Variants in TDRD5 observed in about 807,000 individuals in gnomAD.
The protein encoded by TDRD5 is tudor domain-containing protein 5.
A neutral mutation model predicts 120.6 loss-of-function variants in TDRD5; 41 were observed. That is an observed-to-expected ratio of 0.34 (90% CI 0.26 to 0.44). The LOEUF (loss-of-function observed/expected upper bound fraction) is 0.44. Among genes scored for constraint, TDRD5 ranks in the 20% least tolerant of loss-of-function variants. TDRD5 has a pLI of 1.00. For missense variants in TDRD5, 1,006 were observed against 1,221.2 expected (o/e 0.82, Z 2.63); for synonymous variants, 430 against 433.7 (o/e 0.99, Z 0.11).
intron 1 of TDRD5, 39 bp from the exon 2 acceptor site, chr1:179,592,563 G>C (rs1386866535): frequency 1.4e-5 from 21 of 1,523,754 alleles, no homozygotes; most frequent in African/African-American, 2.8e-5. Context: ...TTTTTTCGTG[G>C]GTTTGCCCCC....
intron 4 of TDRD5, among the ~76,000 whole-genome samples, chr1:179,608,016 A>G (rs1676071503): frequency 6.6e-6 from 1 of 151,922 alleles, no homozygotes; most frequent in African/African-American, 2.4e-5. Context: ...GAAAAAGTCT[A>G]TTTGTCATTT....
chr1:179,644,040 C>CA (rs1678204127), intron 11 of TDRD5, among the ~76,000 whole-genome samples: 1 of 152,092 alleles, frequency 6.6e-6, no homozygotes, highest in East Asian at 1.9e-4. Flanking sequence ...AAAAAGAAGT[C>CA]AAGCTGGAAT....
intron 11 of TDRD5, 23 bp from the exon 12 acceptor site, chr1:179,650,844 C>G (rs1678671735): frequency 2.5e-6 from 4 of 1,611,950 alleles, no homozygotes; most frequent in Non-Finnish European, 3.4e-6. Context: ...TCACCTGAAT[C>G]CAATATCTTG....
chr1:179,599,527 T>C lies in TDRD5; in HGVS notation c.831+3709T>C, dbSNP rs74663832. On this transcript the variant is annotated intron_variant, in intron 4 of 17. Transcript: ENST00000444136. ...ACAGATATAGGGCTATTTTGTATTT[T>C]ATGCTTTCTTTTTTTTTTTTTAAAT... Among the ~76,000 whole-genome samples the C allele has an allele frequency of 9.0e-3, 1,369 of 152,166 alleles. 45 individuals are homozygous for C. Among genetic ancestry groups the C allele is most frequent in the East Asian group, 0.061 (316 of 5,188 alleles).
intron 4 of TDRD5, among the ~76,000 whole-genome samples, chr1:179,615,530 A>C (rs182150145): frequency 6.6e-6 from 1 of 152,020 alleles, no homozygotes. Flanking sequence ...ATCACTTTCC[A>C]TCTTCATTTT....
intron 17 of TDRD5, among the ~76,000 whole-genome samples, chr1:179,670,464 T>C (rs2147781565): frequency 6.6e-6 from 1 of 152,026 alleles, no homozygotes; most frequent in South Asian, 2.1e-4. Flanking sequence ...TAACTGCATG[T>C]TTAACTTTTT....
chr1:179,687,819 A>G (rs1572452191), intron 17 of TDRD5, among the ~76,000 whole-genome samples: 1 of 148,650 alleles, frequency 6.7e-6, no homozygotes, highest in African/African-American at 2.5e-5. Context: ...GTCTCTTTTG[A>G]TCTTTGTTGG....
intron 17 of TDRD5, among the ~76,000 whole-genome samples, chr1:179,671,024 GT>G (rs1679830285): frequency 6.6e-6 from 1 of 152,240 alleles, no homozygotes; most frequent in East Asian, 1.9e-4. Context: ...GTTAATATTT[GT>G]ATAGGGTATG....
rs1466704817 is a variant in TDRD5, at chr1:179,690,957, G to A, written c.*14G>A. The stretch of plus-strand genomic sequence containing the variant: ...ATGGAAGCATGAGGGAGGGAGGGAG[G>A]AGGGAGAAAAACAGAATCCAGCCGC... On this transcript the variant is annotated 3_prime_UTR_variant, in exon 18 of 18. Transcript: ENST00000444136. The A allele has an allele frequency of 5.6e-6, 9 of 1,600,412 alleles. No individual in the cohort carries two copies. Among genetic ancestry groups the A allele is most frequent in the African/African-American group, 1.3e-5 (1 of 74,536 alleles).
At chr1:179,676,956 G>A (rs565560264) in intron 17 of TDRD5, among the ~76,000 whole-genome samples, 1 of 152,232 alleles carries the variant, frequency 6.6e-6, no homozygotes, top group African/African-American at 2.4e-5. Context: ...CATACTTTTA[G>A]ATTTCTCTTC....
At chr1:179,669,080 T>C (rs1237738583) in intron 16 of TDRD5, 114 bp from the exon 17 acceptor site, 2 of 1,022,522 alleles carry the variant, frequency 2.0e-6, no homozygotes, top group Non-Finnish European at 2.8e-6. Flanking sequence ...GTAGTTTTAT[T>C]TATTTATTAT....
chr1:179,642,106 CT>C (rs72314884), intron 11 of TDRD5, among the ~76,000 whole-genome samples: 49,635 of 145,296 alleles, frequency 0.34, 8,251 homozygotes, highest in Admixed American at 0.42. Context: ...TTTTTCTTTT[CT>C]TTTTTTTTTT....
At chr1:179,633,995 C>G (rs1019990679) in intron 7 of TDRD5, among the ~76,000 whole-genome samples, 1 of 151,786 alleles carries the variant, frequency 6.6e-6, no homozygotes, top group African/African-American at 2.4e-5. Flanking sequence ...CACAGTGAAA[C>G]CCTGTCTCTA....
intron 17 of TDRD5, among the ~76,000 whole-genome samples, chr1:179,689,175 T>C (rs1252103685): frequency 1.3e-5 from 2 of 152,226 alleles, no homozygotes; most frequent in African/African-American, 2.4e-5. Flanking sequence ...TCTCCCCATC[T>C]TTGTAGTTTT....
In TDRD5 at chr1:179,655,966, G is replaced by A. The variant is rs189251703; in HGVS notation, c.2322+1604G>A. ...GTGAACATAAGCTTCATTTATCTACGGTAAATACCCAGGAGTAAGATTGCT... is the reference window on the plus strand; with the variant it reads ...GTGAACATAAGCTTCATTTATCTACAGTAAATACCCAGGAGTAAGATTGCT... On this transcript the variant is annotated intron_variant, in intron 14 of 17. Coordinates refer to ENST00000444136, the MANE Select transcript of TDRD5 (RefSeq NM_001199085.3). Among the ~76,000 whole-genome samples, 543 of 152,180 alleles carry A rather than the reference G, an allele frequency of 3.6e-3. 1 individual carries two copies. Among genetic ancestry groups the A allele is most frequent in the Non-Finnish European group, 4.4e-3 (298 of 67,990 alleles).
At chr1:179,672,679 G>A (rs1679917917) in intron 17 of TDRD5, among the ~76,000 whole-genome samples, 1 of 152,138 alleles carries the variant, frequency 6.6e-6, no homozygotes, top group Non-Finnish European at 1.5e-5. Flanking sequence ...CTAAGCCAAT[G>A]TCTAGAAGGG....
intron 13 of TDRD5, among the ~76,000 whole-genome samples, chr1:179,653,508 T>G (rs1292786716): frequency 1.3e-5 from 2 of 152,174 alleles, no homozygotes; most frequent in Non-Finnish European, 2.9e-5. Context: ...CATAACACTT[T>G]CCAAAGCCTG....
rs553006972 is a variant in TDRD5, at chr1:179,627,718, T to C, written c.973-3049T>C. Among the ~76,000 whole-genome samples the C allele has an allele frequency of 8.5e-4, 129 of 152,312 alleles. 1 individual carries two copies. The South Asian group carries it at 0.015, about 17-fold the overall frequency. On this transcript the variant is annotated intron_variant, in intron 6 of 17. Transcript: ENST00000444136. ...GCAATATTTTGAAGCCTATCAAATA[T>C]ATTTAATTCTGTGAGTTTATACGAT... is the stretch of plus-strand genomic sequence containing the variant.
At chr1:179,654,952 G>C (rs565904127) in intron 14 of TDRD5, among the ~76,000 whole-genome samples, 1 of 152,042 alleles carries the variant, frequency 6.6e-6, no homozygotes, top group Non-Finnish European at 1.5e-5. Context: ...ATTATATTAC[G>C]AAAAACCCAT....
Sources: allele counts gnomAD v4.1 joint callset (sites outside exome capture counted in the v4.1 genomes callset), GRCh38; gene constraint gnomAD v4.1.1; transcripts MANE v1.5; gene names NCBI Gene and HGNC (gene_info 2026-07-23, HGNC 2026-07-21).